FTSJ3: variants seen among roughly 807,000 people sequenced by gnomAD.
FTSJ3 encodes pre-rRNA 2'-O-ribose RNA methyltransferase FTSJ3.
In FTSJ3, 46 loss-of-function variants were observed where a neutral mutation model predicts 111.5. The ratio of observed to expected loss-of-function variants is 0.41; its 90% confidence interval spans 0.33 to 0.53. FTSJ3 has a LOEUF of 0.53. Among genes scored for constraint, FTSJ3 ranks in the 20% least tolerant of loss-of-function variants. The pLI, the probability that FTSJ3 is intolerant of heterozygous loss-of-function variation, is 0.19. For missense variants in FTSJ3, 1,075 were observed against 1,063.8 expected (o/e 1.01, Z -0.15); for synonymous variants, 408 against 383.0 (o/e 1.07, Z -0.76).
Position 63,822,178 on chromosome 17 carries a change from A to G in FTSJ3, c.1291-10T>C. ...TTACTTCCTCTAATAACTGAAGTGT[A>G]ACAGAAACAAAGGTAAACTATTTAA... On this transcript the variant is annotated splice_polypyrimidine_tract_variant and intron_variant, in intron 13 of 20. Coordinates refer to ENST00000427159, the MANE Select transcript of FTSJ3 (RefSeq NM_017647.4). 1.9e-6 allele frequency: 3 copies of G among 1,611,310 alleles called. No homozygotes were observed. The highest frequency in any genetic ancestry group is 2.5e-6 in the Non-Finnish European group (3 of 1,178,118).
intron 3 of FTSJ3, 89 bp from the exon 4 acceptor site, chr17:63,826,393 G>T: frequency 7.6e-7 from 1 of 1,320,010 alleles, no homozygotes; most frequent in Non-Finnish European, 1.1e-6. Flanking sequence ...TACGTGTACT[G>T]GCCAAAGCAT....
In FTSJ3 at chr17:63,827,065, C is replaced by T; in HGVS notation, c.-40G>A. 1.5e-6 allele frequency: 1 copy of T among 680,078 alleles called. No individual in the cohort carries two copies. Among genetic ancestry groups the T allele is most frequent in the Non-Finnish European group, 2.6e-6 (1 of 389,090 alleles). 42.1% of individuals were successfully genotyped at this position (680,078 alleles called of 1,614,324 possible). A position where few individuals can be genotyped will look rare whatever the true frequency, so the allele number is the denominator to read the frequency against. Reference sequence around the variant, plus strand: ...TCCGCACACTACCTAGACCCAGAGCCGCTTTCTCCACACTTGGAACCGCAC... The same window carrying T: ...TCCGCACACTACCTAGACCCAGAGCTGCTTTCTCCACACTTGGAACCGCAC... On this transcript the variant is annotated 5_prime_UTR_variant, in exon 1 of 21. Transcript: ENST00000427159.
Position 63,821,649 on chromosome 17 carries a change from A to G in FTSJ3, c.1597-6T>C, listed in dbSNP as rs369044659. On this transcript the variant is annotated splice_region_variant and splice_polypyrimidine_tract_variant and intron_variant, in intron 15 of 20. Coordinates refer to ENST00000427159, the MANE Select transcript of FTSJ3 (RefSeq NM_017647.4). The stretch of plus-strand genomic sequence containing the variant: ...TCGATCCCAGCAAAGCTGCCCTGTG[A>G]TAGGAGAACATCAGCTGCCCTTCTC... 2.5e-6 allele frequency: 4 copies of G among 1,613,346 alleles called. No homozygotes were observed. Among genetic ancestry groups the G allele is most frequent in the Non-Finnish European group, 2.5e-6 (3 of 1,179,502 alleles).
At position 63,823,893 on chromosome 17, in the gene FTSJ3, A is replaced by G. The variant is rs777169176; in HGVS notation, c.1214T>C (p.Met405Thr). 9.9e-6 allele frequency: 16 copies of G among 1,614,022 alleles called. No individual in the cohort carries two copies. The African/African-American group carries it at 2.0e-4, about 20-fold the overall frequency. ...TGCAATGGAAACCCCAGGCAGATCC[A>G]TCTTCAGCTCCACACGCTCCCGCTG... ...RKQRERVELK[M>T]DLPGVSIADE... The change falls in exon 13 of 21, where the codon ATG becomes ACG. Residue 405 changes from methionine to threonine, a missense_variant. Transcript: ENST00000427159.
At position 63,824,416 on chromosome 17, in the gene FTSJ3, C is replaced by T. The variant is rs2040078768; in HGVS notation, c.918-5G>A. On this transcript the variant is annotated splice_region_variant and splice_polypyrimidine_tract_variant and intron_variant, in intron 10 of 20. Coordinates refer to ENST00000427159, the MANE Select transcript of FTSJ3 (RefSeq NM_017647.4). ...GTTCTCCAGTTTAGTAGCGACCTGC[C>T]CCAGAGATACTATTACTGATCTTGC... is the stretch of plus-strand genomic sequence containing the variant. 6.2e-7 allele frequency: 1 copy of T among 1,613,866 alleles called. No homozygotes were observed. The highest frequency in any genetic ancestry group is 8.5e-7 in the Non-Finnish European group (1 of 1,179,800).
In FTSJ3 at chr17:63,827,322, A is replaced by G; in HGVS notation, c.-297T>C. The G allele has an allele frequency of 1.2e-6, 1 of 824,430 alleles. No individual in the cohort carries two copies. The highest frequency in any genetic ancestry group is 1.9e-6 in the Non-Finnish European group (1 of 516,962). The allele number at this position is 824,430 out of a possible 1,614,324, so 51.1% of individuals were successfully genotyped here. ...CCTCATCCCCTTCCAAAGCCCCTGA[A>G]CTCGAGTAGCCGCCCCTCCCATCAT... On this transcript the variant is annotated 5_prime_UTR_variant, in exon 1 of 21. Coordinates refer to ENST00000427159, the MANE Select transcript of FTSJ3 (RefSeq NM_017647.4).
rs754592400 is a variant in FTSJ3 at position 63,824,122 on chromosome 17, C to G, written c.1116G>C (p.Leu372Phe). 6 of 1,614,066 alleles carry G rather than the reference C, an allele frequency of 3.7e-6. No individual in the cohort carries two copies. The highest frequency in any genetic ancestry group is 1.3e-5 in the African/African-American group (1 of 74,920). Residue 372 changes from leucine (L) to phenylalanine (F), a missense_variant, in exon 12 of 21, where the codon TTG becomes TTC. By Grantham distance (22) the Leu-to-Phe change is conservative. This residue lies in a region of FTSJ3 where 867 missense variants were observed against 796.9 expected (regional missense o/e 1.09). Transcript: ENST00000427159. Reference protein sequence around the residue: ...EEEEEQLNQTLAEMKAQEVAE... With the variant: ...EEEEEQLNQTFAEMKAQEVAE... ...CCACCTCCTGGGCCTTCATTTCTGC[C>G]AAGGTCTGGTTCAGTTGTTCCTCCT... is the stretch of plus-strand genomic sequence containing the variant.
At position 63,822,059 on chromosome 17, in the gene FTSJ3, G is replaced by A; in HGVS notation, c.1400C>T (p.Thr467Ile). The A allele has an allele frequency of 6.2e-7, 1 of 1,614,216 alleles. No homozygotes were observed. Among genetic ancestry groups the A allele is most frequent in the Non-Finnish European group, 8.5e-7 (1 of 1,180,040 alleles). The change falls in exon 14 of 21, where the codon ACA (threonine) becomes ATA (isoleucine). Residue 467 changes from threonine to isoleucine, a missense_variant. This residue lies in a region of FTSJ3 where 867 missense variants were observed against 796.9 expected (regional missense o/e 1.09). Transcript: ENST00000427159. The part of the protein sequence containing the change: ...VSDVEDDGDD[T>I]SLDSDLDPEE... ...TGGATCCAGGTCACTATCCAGAGAT[G>A]TGTCATCACCGTCGTCCTCAACATC...
At chr17:63,822,512 TCTC>T (rs1005603166) in intron 13 of FTSJ3, among the ~76,000 whole-genome samples, 8 of 152,030 alleles carry the variant, frequency 5.3e-5, no homozygotes, top group African/African-American at 1.9e-4. Context: ...ATCTCAATCA[TCTC>T]CTGAGAATAC....
At chr17:63,826,219 C>G in intron 4 of FTSJ3, 39 bp downstream of exon 4, 1 of 1,611,368 alleles carries the variant, frequency 6.2e-7, no homozygotes, top group Non-Finnish European at 8.5e-7. Flanking sequence ...CTTATACACC[C>G]ACCCCTTAAA....
chr17:63,825,905 T>C, intron 5 of FTSJ3, 151 bp downstream of exon 5: 1 of 687,982 alleles, frequency 1.5e-6, no homozygotes, highest in Non-Finnish European at 2.5e-6. Flanking sequence ...AAGCCTGGAG[T>C]GGACACTACG....
intron 18 of FTSJ3, among the ~76,000 whole-genome samples, 172 bp from the exon 19 acceptor site, chr17:63,820,610 C>T (rs985022429): frequency 1.3e-5 from 2 of 152,084 alleles, no homozygotes; most frequent in Admixed American, 1.3e-4. Flanking sequence ...GAAACCCCAT[C>T]TCTACTAAAA....
Position 63,825,082 on chromosome 17 carries a change from G to A in FTSJ3, c.677C>T (p.Thr226Ile). The part of the protein sequence containing the change: ...AFKEVEVQAK[T>I]VTELVTKKKP... ...CTTCTTAGTAACCAATTCAGTAACGGTCTTAGCCTGAACTTCAACCTCCTT... is the reference window on the plus strand; with the variant it reads ...CTTCTTAGTAACCAATTCAGTAACGATCTTAGCCTGAACTTCAACCTCCTT... Residue 226 changes from threonine (T) to isoleucine (I), a missense_variant, in exon 8 of 21, where the codon ACC (threonine) becomes ATC (isoleucine). Physicochemically the swap from Thr to Ile is moderately conservative, Grantham distance 89 (BLOSUM62 -1). This residue lies in a region of FTSJ3 where 867 missense variants were observed against 796.9 expected (regional missense o/e 1.09). Coordinates refer to ENST00000427159, the MANE Select transcript of FTSJ3 (RefSeq NM_017647.4). The A allele has an allele frequency of 6.2e-7, 1 of 1,614,144 alleles. No individual in the cohort carries two copies. The highest frequency in any genetic ancestry group is 1.1e-5 in the South Asian group (1 of 91,084).
chr17:63,825,463 G>C (rs772051264), intron 6 of FTSJ3, 27 bp from the exon 7 acceptor site: 1 of 1,612,952 alleles, frequency 6.2e-7, no homozygotes, highest in Admixed American at 1.7e-5. Context: ...ATTAGTTGAC[G>C]CACTCTGCAG....
At chr17:63,826,693 C>G in intron 2 of FTSJ3, 21 bp from the exon 3 acceptor site, 1 of 1,596,600 alleles carries the variant, frequency 6.3e-7, no homozygotes, top group Non-Finnish European at 8.6e-7. Context: ...CAACCAAGTG[C>G]GCAAACTGCT....
At position 63,820,878 on chromosome 17, in the gene FTSJ3, T is replaced by C. The variant is rs1159920034; in HGVS notation, c.2033A>G (p.Lys678Arg). 1.9e-6 allele frequency: 3 copies of C among 1,614,090 alleles called. No individual in the cohort carries two copies. Among genetic ancestry groups the C allele is most frequent in the South Asian group, 1.1e-5 (1 of 91,094 alleles). The stretch of plus-strand genomic sequence containing the variant: ...ATCTATGAGGTCTCTCTTGGCCTTT[T>C]TGGAAGAGGCAATAACAGCACCTAG... ...LALGAVIASS[K>R]KAKRDLIDNS... Residue 678 changes from lysine to arginine, a missense_variant, in exon 18 of 21, where the codon AAA becomes AGA. By Grantham distance (26) the Lys-to-Arg change is conservative (BLOSUM62 2). Around this residue, in one of 2 missense-constraint regions of FTSJ3, gnomAD observed 867 missense variants for 796.9 expected, o/e 1.09. Transcript: ENST00000427159.
chr17:63,820,584 G>A (rs2040039940), intron 18 of FTSJ3, 146 bp from the exon 19 acceptor site: 4 of 804,030 alleles, frequency 5.0e-6, no homozygotes, highest in East Asian at 5.0e-5. Context: ...AGTTTGACCA[G>A]CCTGGCCAAC....
At chr17:63,827,027 C>A in intron 1 of FTSJ3, 25 bp downstream of exon 1, 4 of 828,266 alleles carry the variant, frequency 4.8e-6, no homozygotes, top group South Asian at 4.4e-5. Flanking sequence ...AGCAATTCCA[C>A]CCCGCGCCCC....
At position 63,825,454 on chromosome 17, in the gene FTSJ3, T is replaced by A; in HGVS notation, c.401-18A>T. The A allele has an allele frequency of 6.2e-7, 1 of 1,613,890 alleles. No homozygotes were observed. Among genetic ancestry groups the A allele is most frequent in the East Asian group, 2.2e-5 (1 of 44,866 alleles). ...CAAATGGGCTGTAGGATAGAGACAA[T>A]TAGTTGACGCACTCTGCAGCCCAGG... On this transcript the variant is annotated intron_variant, in intron 6 of 20. Transcript: ENST00000427159.
Sources: allele counts gnomAD v4.1 joint callset (sites outside exome capture counted in the v4.1 genomes callset), GRCh38; gene constraint gnomAD v4.1.1; regional missense constraint gnomAD v4.1.1; transcripts MANE v1.5; gene names NCBI Gene and HGNC (gene_info 2026-07-23, HGNC 2026-07-21).